Variants in PPM1H observed in about 807,000 individuals in gnomAD.
The protein encoded by PPM1H is protein phosphatase 1H.
PPM1H carries 27 observed loss-of-function variants against 54.9 expected under a neutral mutation model. That is an observed-to-expected ratio of 0.49 (90% CI 0.36 to 0.68). PPM1H has a LOEUF of 0.68. Ranked by LOEUF, PPM1H falls within the 30% of genes least tolerant of loss-of-function variation. The probability of loss-of-function intolerance (pLI) is 0.00; values close to 1 mark genes in which losing one functional copy is unlikely to be tolerated. For synonymous variants in PPM1H, 305 were observed against 270.8 expected (o/e 1.13, Z -1.24); for missense variants, 596 against 667.8 (o/e 0.89, Z 1.19).
intron 1 of PPM1H, among the ~76,000 whole-genome samples, chr12:62,843,870 T>G (rs1269119734): frequency 1.3e-5 from 2 of 152,226 alleles, no homozygotes; most frequent in Non-Finnish European, 2.9e-5. Context: ...CTTTGAAAAC[T>G]AGCTGTTATC....
chr12:62,810,834 G>A (rs755158063), intron 2 of PPM1H, among the ~76,000 whole-genome samples: 1 of 152,182 alleles, frequency 6.6e-6, no homozygotes, highest in Non-Finnish European at 1.5e-5. Flanking sequence ...ATTTGAAGAA[G>A]ATGATAAAGG....
At chr12:62,817,137 G>GAAAAAAAAAAAACA (rs2076872383) in intron 2 of PPM1H, among the ~76,000 whole-genome samples, 1 of 67,364 alleles carries the variant, frequency 1.5e-5, no homozygotes, top group Non-Finnish European at 2.8e-5. Flanking sequence ...AAAAAAAAAA[G>GAAAAAAAAAAAACA]AAAAAAAAAA....
At chr12:62,649,939 G>A (rs552890102) in intron 9 of PPM1H, among the ~76,000 whole-genome samples, 79 of 152,262 alleles carry the variant, frequency 5.2e-4, no homozygotes, top group African/African-American at 1.8e-3. Flanking sequence ...AAATGTCACC[G>A]TATAAGTCCT....
intron 1 of PPM1H, among the ~76,000 whole-genome samples, chr12:62,877,961 A>G (rs1314875499): frequency 6.6e-6 from 1 of 152,188 alleles, no homozygotes; most frequent in Non-Finnish European, 1.5e-5. Flanking sequence ...GCAGTAGCAC[A>G]ATCTCGGCTC....
chr12:62,647,228 T>C lies in PPM1H; in HGVS notation c.*1261A>G, dbSNP rs2075790916. 3 of 152,232 alleles carry C rather than the reference T, an allele frequency of 2.0e-5. No individual in the cohort carries two copies. The highest frequency in any genetic ancestry group is 2.0e-4 in the Admixed American group (3 of 15,282). The allele number at this position is 152,232 out of a possible 1,614,324, so 9.4% of individuals were successfully genotyped here. A position where few individuals can be genotyped will look rare whatever the true frequency, so the allele number is the denominator to read the frequency against. ...GAACCATAGAGGGACCTTGAGGAGCTGGGACATGATTCTTTAGAGAAGAGA... is the reference window on the plus strand; with the variant it reads ...GAACCATAGAGGGACCTTGAGGAGCCGGGACATGATTCTTTAGAGAAGAGA... On this transcript the variant is annotated 3_prime_UTR_variant, in exon 10 of 10. Coordinates refer to ENST00000228705, the MANE Select transcript of PPM1H (RefSeq NM_020700.2).
At chr12:62,851,956 G>A (rs1402080683) in intron 1 of PPM1H, among the ~76,000 whole-genome samples, 6 of 150,264 alleles carry the variant, frequency 4.0e-5, no homozygotes, top group Non-Finnish European at 8.9e-5. Context: ...TTGGATGGCC[G>A]GGCGCGGTGG....
At chr12:62,921,907 C>G (rs1300853491) in intron 1 of PPM1H, among the ~76,000 whole-genome samples, 1 of 152,174 alleles carries the variant, frequency 6.6e-6, no homozygotes, top group Non-Finnish European at 1.5e-5. Flanking sequence ...CCCCATTATT[C>G]AGAATTCCTA....
chr12:62,658,056 CA>C lies in PPM1H; in HGVS notation c.1397+9121del, dbSNP rs34769800. 7.8e-3 allele frequency among the ~76,000 whole-genome samples: 837 copies of C among 107,290 alleles called. 5 individuals are homozygous for C. Among genetic ancestry groups the C allele is most frequent in the African/African-American group, 0.025 (702 of 28,476 alleles). The allele number at this position is 107,290 out of a possible 152,430, so 70.4% of individuals were successfully genotyped here. A position where few individuals can be genotyped will look rare whatever the true frequency, so the allele number is the denominator to read the frequency against. On this transcript the variant is annotated intron_variant, in intron 9 of 9. Coordinates refer to ENST00000228705, the MANE Select transcript of PPM1H (RefSeq NM_020700.2). Reference sequence around the variant, plus strand: ...ACAGAGGGTCATTAAATCCAGGTTACAAAAAAAAAAAAAAAAAAAATGAGGT... The same window carrying C: ...ACAGAGGGTCATTAAATCCAGGTTACAAAAAAAAAAAAAAAAAAATGAGGT...
At chr12:62,656,568 T>TAATAGTTCTTG (rs1365773261) in intron 9 of PPM1H, among the ~76,000 whole-genome samples, 1 of 152,206 alleles carries the variant, frequency 6.6e-6, no homozygotes, top group African/African-American at 2.4e-5. Context: ...TTAAAGTTCT[T>TAATAGTTCTTG]AATAGTTCTT....
chr12:62,698,063 T>C (rs2076123584), intron 6 of PPM1H, among the ~76,000 whole-genome samples: 1 of 152,062 alleles, frequency 6.6e-6, no homozygotes, highest in Non-Finnish European at 1.5e-5. Context: ...TTTTTTAAAG[T>C]AATAGTTTCC....
chr12:62,835,305 A>G (rs924489132), intron 1 of PPM1H, among the ~76,000 whole-genome samples: 1 of 152,226 alleles, frequency 6.6e-6, no homozygotes, highest in Non-Finnish European at 1.5e-5. Flanking sequence ...AGGTCTTAGA[A>G]ACTTCATTGC....
chr12:62,932,628 C>CTGTTTTTTTTTTTTT (rs1872176806), intron 1 of PPM1H, among the ~76,000 whole-genome samples: 1 of 54,012 alleles, frequency 1.9e-5, no homozygotes, highest in Non-Finnish European at 3.2e-5. Flanking sequence ...TCCAAATGGG[C>CTGTTTTTTTTTTTTT]TTTTTTTTTT....
intron 6 of PPM1H, among the ~76,000 whole-genome samples, chr12:62,714,661 A>C (rs755045234): frequency 2.0e-5 from 3 of 152,186 alleles, no homozygotes; most frequent in Admixed American, 6.5e-5. Flanking sequence ...AGCTTGGCAG[A>C]GCAAAGTACA....
At chr12:62,933,101 G>A (rs1440278184) in intron 1 of PPM1H, among the ~76,000 whole-genome samples, 2 of 152,042 alleles carry the variant, frequency 1.3e-5, no homozygotes, top group South Asian at 2.1e-4. Context: ...CACCCACAAC[G>A]TTCTCTTCCG....
chr12:62,778,076 A>G (rs980610001), intron 4 of PPM1H, among the ~76,000 whole-genome samples: 10 of 152,226 alleles, frequency 6.6e-5, no homozygotes, highest in Admixed American at 4.6e-4. Flanking sequence ...AACTTACTGC[A>G]TCTCTCCTAA....
chr12:62,791,576 A>G (rs1328267234), intron 3 of PPM1H, among the ~76,000 whole-genome samples: 1 of 152,230 alleles, frequency 6.6e-6, no homozygotes, highest in East Asian at 1.9e-4. Flanking sequence ...CACTGTCAGA[A>G]TCAATATTTG....
chr12:62,774,820 A>T (rs1394896719), intron 4 of PPM1H, among the ~76,000 whole-genome samples: 1 of 152,194 alleles, frequency 6.6e-6, no homozygotes, highest in Non-Finnish European at 1.5e-5. Context: ...GATGTTGCTA[A>T]GCGGATCACA....
chr12:62,797,602 A>G (rs1408913588), intron 3 of PPM1H, among the ~76,000 whole-genome samples: 1 of 152,184 alleles, frequency 6.6e-6, no homozygotes, highest in Non-Finnish European at 1.5e-5. Context: ...GCTTGTGGGC[A>G]TTTCAAAAAA....
At chr12:62,759,963 C>T (rs1293988696) in intron 4 of PPM1H, among the ~76,000 whole-genome samples, 1 of 152,170 alleles carries the variant, frequency 6.6e-6, no homozygotes. Flanking sequence ...CTCTACCCTT[C>T]TCTTTAAACT....
Sources: allele counts gnomAD v4.1 joint callset (sites outside exome capture counted in the v4.1 genomes callset), GRCh38; gene constraint gnomAD v4.1.1; transcripts MANE v1.5; gene names NCBI Gene and HGNC (gene_info 2026-07-23, HGNC 2026-07-21).